The following SETD2 variants were observed in gnomAD, a reference collection of about 807,000 sequenced individuals.
SETD2 encodes the protein histone-lysine N-methyltransferase SETD2.
A neutral mutation model predicts 242.1 loss-of-function variants in SETD2; 31 were observed. The observed-to-expected ratio is 0.13, with a 90% CI of 0.10 to 0.17. SETD2 has a LOEUF of 0.17. Among genes scored for constraint, SETD2 ranks in the 10% least tolerant of loss-of-function variants. The pLI, the probability that SETD2 is intolerant of heterozygous loss-of-function variation, is 1.00. For synonymous variants in SETD2, 1,006 were observed against 1,066.5 expected (o/e 0.94, Z 1.11); for missense variants, 2,481 against 3,046.3 (o/e 0.81, Z 4.37).
intron 18 of SETD2, among the ~76,000 whole-genome samples, chr3:47,036,945 G>T (rs1046292201): frequency 1.4e-5 from 2 of 145,944 alleles, no homozygotes; most frequent in African/African-American, 5.2e-5. Flanking sequence ...GCCCTGAAGC[G>T]ATCATAGTAA....
At chr3:47,136,878 C>T (rs553544219) in intron 1 of SETD2, among the ~76,000 whole-genome samples, 1 of 152,030 alleles carries the variant, frequency 6.6e-6, no homozygotes, top group South Asian at 2.1e-4. Context: ...CACTTGAACC[C>T]GGGAGGCAGA....
Position 47,113,928 on chromosome 3 carries a change from T to TG in SETD2, c.4662dup (p.Ile1555HisfsTer33), listed in dbSNP as rs1168915791. ...CCCCAGCCTTTCTTTTCTGTGAGTA[T>TG]GACTTCCACATCTGCATGCTGTTTT... On this transcript the variant is annotated frameshift_variant, in exon 5 of 21. Coordinates refer to ENST00000409792, the MANE Select transcript of SETD2 (RefSeq NM_014159.7). LOFTEE classifies it high-confidence loss of function. The TG allele has an allele frequency of 6.2e-7, 1 of 1,613,842 alleles. No individual in the cohort carries two copies. Among genetic ancestry groups the TG allele is most frequent in the South Asian group, 1.1e-5 (1 of 91,048 alleles).
At chr3:47,152,201 T>C (rs1305572944) in intron 1 of SETD2, among the ~76,000 whole-genome samples, 2 of 152,238 alleles carry the variant, frequency 1.3e-5, no homozygotes, top group Non-Finnish European at 2.9e-5. Context: ...GAAGAGATTT[T>C]CACCAATTTC....
intron 1 of SETD2, among the ~76,000 whole-genome samples, chr3:47,158,580 C>T (rs1305381556): frequency 1.3e-5 from 2 of 152,126 alleles, no homozygotes; most frequent in Non-Finnish European, 2.9e-5. Context: ...ATTTTCTTTT[C>T]TCTAGCTTAC....
chr3:47,146,015 CAAAAAAAAAA>C (rs1171574770), intron 1 of SETD2, among the ~76,000 whole-genome samples: 39 of 38,692 alleles, frequency 1.0e-3, no homozygotes, highest in Non-Finnish European at 1.2e-3. Flanking sequence ...GACCCTGTCT[CAAAAAAAAAA>C]AAAAAAAAAA....
At chr3:47,144,783 AC>A (rs1341309654) in intron 1 of SETD2, among the ~76,000 whole-genome samples, 2 of 151,970 alleles carry the variant, frequency 1.3e-5, no homozygotes, top group East Asian at 3.9e-4. Flanking sequence ...CGTGGTTAAA[AC>A]CCCATGTCTA....
At chr3:47,027,854 C>T (rs1362881917) in intron 18 of SETD2, among the ~76,000 whole-genome samples, 2 of 150,464 alleles carry the variant, frequency 1.3e-5, no homozygotes, top group African/African-American at 2.5e-5. Flanking sequence ...TGCAGTGGCG[C>T]GATCTCGGCT....
intron 12 of SETD2, among the ~76,000 whole-genome samples, chr3:47,070,284 A>G (rs997103962): frequency 2.0e-5 from 3 of 152,210 alleles, no homozygotes; most frequent in African/African-American, 7.2e-5. Flanking sequence ...CTACTGACTA[A>G]TGACCAGGAG....
At chr3:47,162,221 G>A (rs1051256072) in intron 1 of SETD2, among the ~76,000 whole-genome samples, 2 of 152,044 alleles carry the variant, frequency 1.3e-5, no homozygotes, top group Non-Finnish European at 2.9e-5. Flanking sequence ...CCTATTCAGG[G>A]GTTAGCATGT....
In SETD2 at chr3:47,057,020, G is replaced by C. The variant is rs1239748039; in HGVS notation, c.6764C>G (p.Ala2255Gly). The change falls in exon 15 of 21, where the codon GCT (alanine) becomes GGT (glycine). Residue 2255 changes from alanine to glycine, a missense_variant. Physicochemically the swap from Ala to Gly is moderately conservative, Grantham distance 60. Coordinates refer to ENST00000409792, the MANE Select transcript of SETD2 (RefSeq NM_014159.7). ...GCCGGGGGCCGGCACTGGCAAGACA[G>C]CAACGCTGGAGTCTTGGTGTACTAC... is the stretch of plus-strand genomic sequence containing the variant. ...DGVVHQDSSV[A>G]VLPVPAPGPV... The C allele has an allele frequency of 6.2e-7, 1 of 1,614,276 alleles. No individual in the cohort carries two copies. The highest frequency in any genetic ancestry group is 8.5e-7 in the Non-Finnish European group (1 of 1,180,052).
chr3:47,063,340 T>A (rs1190049395), intron 13 of SETD2, among the ~76,000 whole-genome samples: 3 of 152,142 alleles, frequency 2.0e-5, no homozygotes, highest in Non-Finnish European at 2.9e-5. Flanking sequence ...CTGAGCATAG[T>A]GGCACACACT....
Position 47,044,294 on chromosome 3 carries a change from G to A in SETD2, c.7099-1594C>T, listed in dbSNP as rs545198995. 7.4e-5 allele frequency among the ~76,000 whole-genome samples: 10 copies of A among 135,208 alleles called. No individual in the cohort carries two copies. The South Asian group carries it at 1.4e-3, about 20-fold the overall frequency. The allele number at this position is 135,208 out of a possible 152,430, so 88.7% of individuals were successfully genotyped here. On this transcript the variant is annotated intron_variant, in intron 16 of 20. Transcript: ENST00000409792. ...GGAGGCGGAGGTTGCAGTGAGCCGC[G>A]AGATCAAACCACTGTACTCCAGGCT... is the stretch of plus-strand genomic sequence containing the variant.
intron 9 of SETD2, among the ~76,000 whole-genome samples, chr3:47,096,596 A>G (rs1057162347): frequency 0.05 from 1,307 of 26,070 alleles, 4 homozygotes; most frequent in Non-Finnish European, 0.081. Context: ...AAAAAAAAAA[A>G]GGGGGGCTGG....
intron 5 of SETD2, among the ~76,000 whole-genome samples, chr3:47,109,142 C>T (rs1351062857): frequency 6.6e-6 from 1 of 152,026 alleles, no homozygotes; most frequent in Non-Finnish European, 1.5e-5. Flanking sequence ...CACTGCAAAG[C>T]TATGGAAGGT....
At chr3:47,088,646 C>T (rs1483323487) in intron 9 of SETD2, among the ~76,000 whole-genome samples, 3 of 152,010 alleles carry the variant, frequency 2.0e-5, no homozygotes, top group Non-Finnish European at 4.4e-5. Context: ...TGGGTTTTCA[C>T]GCTGCTGTGT....
chr3:47,147,316 G>A (rs933486999), intron 1 of SETD2, among the ~76,000 whole-genome samples: 4 of 133,812 alleles, frequency 3.0e-5, no homozygotes, highest in African/African-American at 8.6e-5. Flanking sequence ...CCTAGCCACT[G>A]CATGTCATTT....
chr3:47,057,315 A>G lies in SETD2; in HGVS notation c.6469T>C (p.Tyr2157His). 6.2e-7 allele frequency: 1 copy of G among 1,614,204 alleles called. No homozygotes were observed. Among genetic ancestry groups the G allele is most frequent in the Non-Finnish European group, 8.5e-7 (1 of 1,180,036 alleles). ...TSPLPYDSLG[Y>H]NAPHHPFAGY... ...GCAAAGGGATGATGCGGGGCATTAT[A>G]ACCAAGAGAGTCATAGGGCAGTGGT... is the stretch of plus-strand genomic sequence containing the variant. Residue 2157 changes from tyrosine (Y) to histidine (H), a missense_variant, in exon 15 of 21, where the codon TAT (tyrosine) becomes CAT (histidine). Tyr to His is a moderately conservative substitution (Grantham distance 83). Around this residue, in one of 17 missense-constraint regions of SETD2, gnomAD observed 45 missense variants for 62.8 expected, o/e 0.72. Coordinates refer to ENST00000409792, the MANE Select transcript of SETD2 (RefSeq NM_014159.7).
At chr3:47,105,565 G>A (rs922712268) in intron 6 of SETD2, 4 of 281,168 alleles carry the variant, frequency 1.4e-5, no homozygotes, top group African/African-American at 2.3e-5. Context: ...TAACTTCCAC[G>A]CTTTTTGAAA....
At chr3:47,093,017 C>T (rs566885390) in intron 9 of SETD2, among the ~76,000 whole-genome samples, 1 of 152,166 alleles carries the variant, frequency 6.6e-6, no homozygotes, top group Admixed American at 6.5e-5. Context: ...GTGATGGAAG[C>T]TAACTTTATT....
Sources: allele counts gnomAD v4.1 joint callset (sites outside exome capture counted in the v4.1 genomes callset), GRCh38; gene constraint gnomAD v4.1.1; regional missense constraint gnomAD v4.1.1; transcripts MANE v1.5; gene names NCBI Gene and HGNC (gene_info 2026-07-23, HGNC 2026-07-21).